SORCS3: variants seen among roughly 807,000 people sequenced by gnomAD.
SORCS3 encodes sortilin related VPS10 domain containing receptor 3, also known as VPS10 domain-containing receptor SorCS3.
Under a neutral mutation model 146.3 loss-of-function variants are expected in SORCS3, and 57 were observed. The observed-to-expected ratio is 0.39, with a 90% CI of 0.31 to 0.49. The LOEUF is 0.49. SORCS3 is among the 20% of genes least tolerant of loss of function. The pLI, the probability that SORCS3 is intolerant of heterozygous loss-of-function variation, is 0.92. For missense variants in SORCS3, 1,341 were observed against 1,575.5 expected (o/e 0.85, Z 2.52); for synonymous variants, 653 against 618.5 (o/e 1.06, Z -0.83).
rs143654125 is a variant in SORCS3 at position 104,995,106 on chromosome 10, G to T, written c.954+17613G>T. On this transcript the variant is annotated intron_variant, in intron 4 of 26. Coordinates refer to ENST00000369701, the MANE Select transcript of SORCS3 (RefSeq NM_014978.3). Reference sequence around the variant, plus strand: ...TTCTTAGTAACACTTGGAATAGCCAGTCTTTTTAATTTTGGCTTTTCTTTT... The same window carrying T: ...TTCTTAGTAACACTTGGAATAGCCATTCTTTTTAATTTTGGCTTTTCTTTT... 7.6e-3 allele frequency among the ~76,000 whole-genome samples: 1,147 copies of T among 150,818 alleles called. 6 individuals are homozygous for T. The highest frequency in any genetic ancestry group is 0.016 in the African/African-American group (657 of 41,206).
At chr10:104,663,866 G>A (rs1204552801) in intron 1 of SORCS3, among the ~76,000 whole-genome samples, 1 of 152,000 alleles carries the variant, frequency 6.6e-6, no homozygotes, top group Non-Finnish European at 1.5e-5. Flanking sequence ...TAAAGAAGAA[G>A]ATCTCTATCA....
chr10:105,149,970 A>G (rs932073845), intron 9 of SORCS3, among the ~76,000 whole-genome samples: 7 of 152,236 alleles, frequency 4.6e-5, no homozygotes, highest in African/African-American at 1.4e-4. Context: ...TAGAGAAGAC[A>G]TAACAGACAG....
rs117537799 is a variant in SORCS3, at chr10:105,049,428, A to T, written c.1028+6300A>T. On this transcript the variant is annotated intron_variant, in intron 5 of 26. Transcript: ENST00000369701. Reference sequence around the variant, plus strand: ...CTCCCCAAGTATCATAGCTTTTCTTATGTAAAACAATCTACCCTCTCTCCT... The same window carrying T: ...CTCCCCAAGTATCATAGCTTTTCTTTTGTAAAACAATCTACCCTCTCTCCT... Among the ~76,000 whole-genome samples the T allele has an allele frequency of 4.3e-4, 65 of 152,122 alleles. 1 individual carries two copies. The East Asian group carries it at 0.012, about 28-fold the overall frequency.
At chr10:105,013,222 C>G (rs1398841085) in intron 4 of SORCS3, among the ~76,000 whole-genome samples, 2 of 151,992 alleles carry the variant, frequency 1.3e-5, no homozygotes, top group African/African-American at 2.4e-5. Flanking sequence ...AAATTATTAG[C>G]AAACTAGGAG....
intron 1 of SORCS3, among the ~76,000 whole-genome samples, chr10:104,653,498 G>C (rs954517499): frequency 6.6e-6 from 1 of 152,040 alleles, no homozygotes; most frequent in African/African-American, 2.4e-5. Context: ...ATATCCTCAA[G>C]TAATCTTTTT....
At chr10:104,734,529 A>G (rs74155024) in intron 1 of SORCS3, among the ~76,000 whole-genome samples, 2,808 of 152,338 alleles carry the variant, frequency 0.018, 86 homozygotes, top group African/African-American at 0.064. Flanking sequence ...AAGTACCAAG[A>G]GCACAGACGA....
chr10:104,909,032 G>A lies in SORCS3; in HGVS notation c.696-6801G>A, dbSNP rs74155061. On this transcript the variant is annotated intron_variant, in intron 2 of 26. Transcript: ENST00000369701. ...CAAAAGCAGGGTGAGAACATGACTC[G>A]GGGGTGGGACAGAGGTGGAGGCTGA... Among the ~76,000 whole-genome samples the A allele has an allele frequency of 5.2e-3, 798 of 152,228 alleles. 3 individuals carry two copies. The highest frequency in any genetic ancestry group is 0.034 in the Middle Eastern group (10 of 294).
At chr10:105,020,739 A>C (rs543431534) in intron 4 of SORCS3, among the ~76,000 whole-genome samples, 1 of 152,146 alleles carries the variant, frequency 6.6e-6, no homozygotes, top group African/African-American at 2.4e-5. Context: ...ATAAACAAAT[A>C]AGGTACCTGA....
chr10:104,864,700 G>C (rs2133563338), intron 2 of SORCS3, among the ~76,000 whole-genome samples: 2 of 152,304 alleles, frequency 1.3e-5, no homozygotes, highest in South Asian at 4.1e-4. Context: ...GAGTGTTAAG[G>C]TGAATATACC....
chr10:104,884,816 A>G (rs764228310), intron 2 of SORCS3, among the ~76,000 whole-genome samples: 1 of 152,064 alleles, frequency 6.6e-6, no homozygotes, highest in East Asian at 1.9e-4. Flanking sequence ...AAAGCTCTCC[A>G]TAATCTGATC....
At chr10:105,080,509 T>C (rs894216799) in intron 5 of SORCS3, among the ~76,000 whole-genome samples, 4 of 152,202 alleles carry the variant, frequency 2.6e-5, no homozygotes, top group Non-Finnish European at 4.4e-5. Flanking sequence ...ATTCTATTGA[T>C]AGATTTTTTG....
chr10:104,721,415 C>T (rs1329628145), intron 1 of SORCS3, among the ~76,000 whole-genome samples: 2 of 152,194 alleles, frequency 1.3e-5, no homozygotes, highest in South Asian at 2.1e-4. Context: ...TAGCCTGATG[C>T]GACCGGCTTT....
At chr10:104,761,586 C>T (rs1018788550) in intron 1 of SORCS3, among the ~76,000 whole-genome samples, 2 of 152,178 alleles carry the variant, frequency 1.3e-5, no homozygotes, top group African/African-American at 4.8e-5. Context: ...TGAGATCCCT[C>T]TGCTTCTTGC....
At chr10:105,093,071 C>T (rs183956841) in intron 6 of SORCS3, among the ~76,000 whole-genome samples, 1 of 152,178 alleles carries the variant, frequency 6.6e-6, no homozygotes, top group East Asian at 1.9e-4. Context: ...TGTAGAAAAT[C>T]CTAAGGTATC....
At chr10:104,953,096 A>G (rs1040543020) in intron 3 of SORCS3, among the ~76,000 whole-genome samples, 1 of 152,198 alleles carries the variant, frequency 6.6e-6, no homozygotes, top group Non-Finnish European at 1.5e-5. Context: ...GCAGTGGGGA[A>G]TCAAAGATTA....
chr10:104,798,220 G>A (rs61867291), intron 1 of SORCS3, among the ~76,000 whole-genome samples: 2,159 of 152,212 alleles, frequency 0.014, 36 homozygotes, highest in Non-Finnish European at 0.016. Flanking sequence ...GGGGTGCCTG[G>A]GTGGTGGTAG....
intron 1 of SORCS3, among the ~76,000 whole-genome samples, chr10:104,816,271 A>C (rs2017796717): frequency 6.6e-6 from 1 of 152,242 alleles, no homozygotes; most frequent in Admixed American, 6.5e-5. Context: ...TCACTAATTC[A>C]AATGGCATTT....
chr10:104,824,535 A>G (rs977685178), intron 1 of SORCS3, among the ~76,000 whole-genome samples: 5 of 152,198 alleles, frequency 3.3e-5, no homozygotes, highest in South Asian at 2.1e-4. Flanking sequence ...TGAATGCCCA[A>G]TCATGAGTTG....
At chr10:105,112,973 A>G (rs1020130444) in intron 7 of SORCS3, among the ~76,000 whole-genome samples, 4 of 152,212 alleles carry the variant, frequency 2.6e-5, no homozygotes, top group African/African-American at 9.6e-5. Context: ...CTCACAAACA[A>G]AGGAGACCAG....
Sources: gnomAD v4.1 joint callset for allele counts (sites outside exome capture counted in the v4.1 genomes callset) on GRCh38, gnomAD v4.1.1 for gene constraint, MANE v1.5 for transcripts, NCBI Gene and HGNC (gene_info 2026-07-23, HGNC 2026-07-21) for gene names.